The following NRXN2 variants were observed in gnomAD, a reference collection of about 807,000 sequenced individuals.
NRXN2 encodes the protein neurexin-2-beta.
In NRXN2, 29 loss-of-function variants were observed where a neutral mutation model predicts 128.8. The ratio of observed to expected loss-of-function variants is 0.23; its 90% CI spans 0.17 to 0.31. The LOEUF (loss-of-function observed/expected upper bound fraction) is 0.31. Among genes scored for constraint, NRXN2 ranks in the 10% least tolerant of loss-of-function variants. The pLI is 1.00. For synonymous variants in NRXN2, 1,098 were observed against 1,075.2 expected (o/e 1.02, Z -0.41); for missense variants, 1,881 against 2,452.6 (o/e 0.77, Z 4.92).
rs1011437584 is a variant in NRXN2, at chr11:64,692,912, A to G, written c.749-36T>C. On this transcript the variant is annotated intron_variant, in intron 3 of 22. Transcript: ENST00000265459. Reference sequence around the variant, plus strand: ...GGAAGGAGAGAAAGAAAGAAAGAAAAAAAGAAGAAGAAAAAAGAAAGAAAA... The same window carrying G: ...GGAAGGAGAGAAAGAAAGAAAGAAAGAAAGAAGAAGAAAAAAGAAAGAAAA... 19 of 1,547,706 alleles carry G rather than the reference A, an allele frequency of 1.2e-5. 1 individual carries two copies. The highest frequency in any genetic ancestry group is 4.1e-5 in the African/African-American group (3 of 73,504).
At chr11:64,665,000 A>C in intron 9 of NRXN2, among the ~76,000 whole-genome samples, 1 of 148,498 alleles carries the variant, frequency 6.7e-6, no homozygotes, top group South Asian at 2.1e-4. Context: ...AAAAAAAAAA[A>C]GGCCGGGCGC....
chr11:64,668,619 AG>A lies in NRXN2; in HGVS notation c.1198-16del. ...GAGATGGTCACCTGTCCAGCCCAGG[AG>A]GGAGGGAGAAAGACAGGAGACAACC... On this transcript the variant is annotated splice_polypyrimidine_tract_variant and intron_variant, in intron 7 of 22. Coordinates refer to ENST00000265459, the MANE Select transcript of NRXN2 (RefSeq NM_015080.4). 1 of 1,612,592 alleles carries A rather than the reference AG, an allele frequency of 6.2e-7. No individual in the cohort carries two copies. The highest frequency in any genetic ancestry group is 8.5e-7 in the Non-Finnish European group (1 of 1,179,918).
At chr11:64,638,934 C>T (rs1440218467) in intron 17 of NRXN2, among the ~76,000 whole-genome samples, 3 of 152,196 alleles carry the variant, frequency 2.0e-5, no homozygotes, top group Non-Finnish European at 4.4e-5. Flanking sequence ...CCCACACACA[C>T]CTGCATTCTA....
At chr11:64,707,869 G>A (rs985474092) in intron 2 of NRXN2, among the ~76,000 whole-genome samples, 2 of 152,216 alleles carry the variant, frequency 1.3e-5, no homozygotes, top group Middle Eastern at 3.4e-3. Flanking sequence ...CAAGGCAGGC[G>A]GATCACCTGA....
At chr11:64,689,810 G>A (rs1192188297) in intron 5 of NRXN2, among the ~76,000 whole-genome samples, 2 of 152,190 alleles carry the variant, frequency 1.3e-5, no homozygotes, top group African/African-American at 4.8e-5. Flanking sequence ...GGAAATCCAG[G>A]CAAACAGAAG....
chr11:64,638,953 C>A (rs1384593616), intron 17 of NRXN2, among the ~76,000 whole-genome samples: 3 of 152,290 alleles, frequency 2.0e-5, no homozygotes, highest in South Asian at 2.1e-4. Flanking sequence ...TAGAAAAAAA[C>A]CAACCAACCA....
At position 64,630,535 on chromosome 11, in the gene NRXN2, C is replaced by T. The variant is rs543841477; in HGVS notation, c.3624G>A (p.Thr1208=). The change falls in exon 19 of 23, where the codon ACG becomes ACA. Residue 1208 remains threonine (T), a synonymous_variant. Transcript: ENST00000265459. The surrounding 1 kb of genome is among the most constrained non-coding windows in gnomAD (Gnocchi z 4.6). ...TGGGCTCGTCGATGGTAATGTCGTC[C>T]GTGCCCACGTTAAAGATCACCCCCA... is the stretch of plus-strand genomic sequence containing the variant. ...GTVGVIFNVG[T]DDITIDEPNA... is the part of the protein sequence containing the mutation. The T allele has an allele frequency of 3.1e-6, 5 of 1,614,026 alleles. No individual in the cohort carries two copies. The highest frequency in any genetic ancestry group is 1.6e-4 in the Middle Eastern group (1 of 6,062).
chr11:64,624,554 T>C (rs2042835747), intron 20 of NRXN2, among the ~76,000 whole-genome samples: 1 of 152,236 alleles, frequency 6.6e-6, no homozygotes. Context: ...CAAAGTTTTT[T>C]CCCAGACATA....
At position 64,660,887 on chromosome 11, in the gene NRXN2, G is replaced by T. The variant is rs764691572; in HGVS notation, c.2051C>A (p.Pro684His). ...AEAQGAVGVA[P>H]FCSRETLKQC... ...CTTCAGCGTCTCCCGGGAGCAAAAG[G>T]GGGCAACGCCCACAGCCCCCTGAGC... The change falls in exon 10 of 23, where the codon CCC becomes CAC. Residue 684 changes from proline to histidine, a missense_variant. This residue lies in a region of NRXN2 where 997 missense variants were observed against 1,240.8 expected (regional missense o/e 0.80). Coordinates refer to ENST00000265459, the MANE Select transcript of NRXN2 (RefSeq NM_015080.4). This position sits in a 1 kb window ranked among gnomAD's most constrained non-coding sequence, Gnocchi z 5.2. 1.1e-5 allele frequency: 17 copies of T among 1,613,508 alleles called. No individual in the cohort carries two copies. Among genetic ancestry groups the T allele is most frequent in the Middle Eastern group, 1.6e-4 (1 of 6,082 alleles).
At chr11:64,687,349 C>T (rs2053203883) in intron 5 of NRXN2, among the ~76,000 whole-genome samples, 2 of 152,142 alleles carry the variant, frequency 1.3e-5, no homozygotes, top group South Asian at 4.1e-4. Flanking sequence ...TCTGCAGATC[C>T]CCTCCCCTCC....
chr11:64,651,305 CAGA>C lies in NRXN2; in HGVS notation c.2865_2867del (p.Leu956del). On this transcript the variant is annotated inframe_deletion, in exon 14 of 23. Coordinates refer to ENST00000265459, the MANE Select transcript of NRXN2 (RefSeq NM_015080.4). The surrounding 1 kb of genome is among the most constrained non-coding windows in gnomAD (Gnocchi z 5.9). ...AGTCATTGCCGTTGCCCGAGTTGAA[CAGA>C]AGAAGCCCATCAGGGGCCGTGGTCT... 2 of 1,614,180 alleles carry C rather than the reference CAGA, an allele frequency of 1.2e-6. No individual in the cohort carries two copies. Among genetic ancestry groups the C allele is most frequent in the Non-Finnish European group, 1.7e-6 (2 of 1,180,036 alleles).
At chr11:64,637,080 C>A (rs2044843033) in intron 17 of NRXN2, among the ~76,000 whole-genome samples, 1 of 151,896 alleles carries the variant, frequency 6.6e-6, no homozygotes, top group South Asian at 2.1e-4. Context: ...GCCATGGGTC[C>A]CCTTGCTGTT....
intron 17 of NRXN2, among the ~76,000 whole-genome samples, chr11:64,638,360 A>G (rs2045110318): frequency 6.6e-6 from 1 of 152,138 alleles, no homozygotes. Flanking sequence ...GGCAGTAATT[A>G]CCCTGGGGAG....
At chr11:64,688,896 G>C (rs1313355773) in intron 5 of NRXN2, 1 of 780,036 alleles carries the variant, frequency 1.3e-6, no homozygotes, top group South Asian at 5.8e-5. Flanking sequence ...GAGCTCTACA[G>C]CTGTCTGTTC....
At chr11:64,666,080 C>G (rs928751982) in intron 9 of NRXN2, among the ~76,000 whole-genome samples, 5 of 152,188 alleles carry the variant, frequency 3.3e-5, no homozygotes, top group Admixed American at 6.5e-5. Context: ...TCTCCCACCC[C>G]ACACCAGAAC....
intron 5 of NRXN2, among the ~76,000 whole-genome samples, chr11:64,687,673 G>T (rs969242341): frequency 2.0e-5 from 3 of 152,214 alleles, no homozygotes; most frequent in African/African-American, 7.2e-5. Flanking sequence ...AGGGAGGTGG[G>T]GCAGAGCCAG....
At chr11:64,649,648 A>T (rs1282298143) in intron 15 of NRXN2, among the ~76,000 whole-genome samples, 1 of 152,182 alleles carries the variant, frequency 6.6e-6, no homozygotes, top group Non-Finnish European at 1.5e-5. Context: ...GATCTGACAG[A>T]TCTCAGATCT....
At chr11:64,677,816 A>C (rs1015351034) in intron 6 of NRXN2, among the ~76,000 whole-genome samples, 12 of 152,208 alleles carry the variant, frequency 7.9e-5, no homozygotes, top group South Asian at 6.2e-4. Context: ...GAACTGGCTA[A>C]AGAGCAAGTT....
intron 1 of NRXN2, among the ~76,000 whole-genome samples, chr11:64,720,597 ATAAG>A (rs1213003830): frequency 2.6e-5 from 4 of 152,190 alleles, no homozygotes; most frequent in Non-Finnish European, 5.9e-5. Context: ...AGGTACAAAG[ATAAG>A]TGAGTGAGAG....
Sources: allele counts gnomAD v4.1 joint callset (sites outside exome capture counted in the v4.1 genomes callset), GRCh38; gene constraint gnomAD v4.1.1; regional missense constraint gnomAD v4.1.1; non-coding constraint Gnocchi (gnomAD v3.1); transcripts MANE v1.5; gene names NCBI Gene and HGNC (gene_info 2026-07-23, HGNC 2026-07-21).